The following HERC6 variants were observed in gnomAD, a reference collection of about 807,000 sequenced individuals.
HERC6 encodes HECT and RLD domain containing E3 ubiquitin protein ligase family member 6.
A neutral mutation model predicts 114.5 loss-of-function variants in HERC6; 101 were observed. The observed-to-expected ratio is 0.88, with a 90% CI of 0.75 to 1.04. The LOEUF (loss-of-function observed/expected upper bound fraction) is 1.04, where lower values mean the gene tolerates loss of function less well. Among genes scored for constraint, HERC6 ranks in the 50% least tolerant of loss-of-function variants. HERC6 has a pLI of 0.00. For missense variants in HERC6, 1,133 were observed against 1,230.9 expected, an observed-to-expected ratio of 0.92 and a Z score of 1.19; for synonymous variants, 408 against 436.2, an observed-to-expected ratio of 0.94 and a Z score of 0.81.
At chr4:88,427,687 G>A (rs1737769222) in intron 15 of HERC6, among the ~76,000 whole-genome samples, 2 of 152,214 alleles carry the variant, frequency 1.3e-5, no homozygotes, top group South Asian at 2.1e-4. Context: ...GAGAGTGAAT[G>A]TGGGCAAACA....
At chr4:88,412,425 G>A (rs1420032626) in intron 11 of HERC6, among the ~76,000 whole-genome samples, 2 of 152,116 alleles carry the variant, frequency 1.3e-5, no homozygotes. Context: ...GGGCAACATA[G>A]TGAGACTCCA....
intron 5 of HERC6, 50 bp from the exon 6 acceptor site, chr4:88,395,965 A>C: frequency 6.6e-7 from 1 of 1,523,940 alleles, no homozygotes; most frequent in Non-Finnish European, 8.8e-7. Flanking sequence ...GTAAGCTTTT[A>C]GTTACCTTGT....
chr4:88,390,847 G>C lies in HERC6; in HGVS notation c.632G>C (p.Gly211Ala), dbSNP rs189620177. ...TSFGWGSNSA[G>A]QLALSGRNVP... Reference sequence around the variant, plus strand: ...TTTGGCTGGGGAAGTAACAGTGCCGGGCAGCTGGCCCTCAGTGGGCGTAAT... The same window carrying C: ...TTTGGCTGGGGAAGTAACAGTGCCGCGCAGCTGGCCCTCAGTGGGCGTAAT... Residue 211 changes from glycine (G) to alanine (A), a missense_variant, in exon 4 of 23, where the codon GGG becomes GCG. Physicochemically the swap from Gly to Ala is moderately conservative, Grantham distance 60. This residue lies in a region of HERC6 where 735 missense variants were observed against 754.0 expected (regional missense o/e 0.97). Coordinates refer to ENST00000264346, the MANE Select transcript of HERC6 (RefSeq NM_017912.4). 1 of 1,613,902 alleles carries C rather than the reference G, an allele frequency of 6.2e-7. No homozygotes were observed. Among genetic ancestry groups the C allele is most frequent in the Non-Finnish European group, 8.5e-7 (1 of 1,179,818 alleles).
intron 9 of HERC6, 130 bp downstream of exon 9, chr4:88,405,127 C>A: frequency 8.8e-7 from 1 of 1,131,958 alleles, no homozygotes; most frequent in Non-Finnish European, 1.2e-6. Flanking sequence ...CTTCTACAGC[C>A]TCTTAGTGTG....
Position 88,404,941 on chromosome 4 carries a change from G to A in HERC6, c.1158G>A (p.Met386Ile), listed in dbSNP as rs959693874. The change falls in exon 9 of 23, where the codon ATG (methionine) becomes ATA (isoleucine). Residue 386 changes from methionine (M) to isoleucine (I), a missense_variant. This residue lies in a region of HERC6 where 735 missense variants were observed against 754.0 expected (regional missense o/e 0.97). Coordinates refer to ENST00000264346, the MANE Select transcript of HERC6 (RefSeq NM_017912.4). ...AAATAAGCCGAATTAGCCAGTCCAT[G>A]GCAGAAAAATGGATAGCAGTGAAAA... ...LPEISRISQS[M>I]AEKWIAVKRR... is the part of the protein sequence containing the mutation. 6.2e-7 allele frequency: 1 copy of A among 1,613,782 alleles called. No individual in the cohort carries two copies. Among genetic ancestry groups the A allele is most frequent in the Non-Finnish European group, 8.5e-7 (1 of 1,179,776 alleles).
chr4:88,398,426 A>G (rs1735363224), intron 8 of HERC6: 1 of 392,254 alleles, frequency 2.5e-6, no homozygotes, highest in African/African-American at 2.1e-5. Context: ...ACCATTTCAG[A>G]TTTATTTTTT....
intron 17 of HERC6, 144 bp downstream of exon 17, chr4:88,431,449 G>A: frequency 1.0e-6 from 1 of 953,510 alleles, no homozygotes; most frequent in Non-Finnish European, 1.5e-6. Flanking sequence ...ATGGTTCACA[G>A]AGCAGCAGCT....
At chr4:88,413,353 C>G (rs1736242369) in intron 12 of HERC6, 87 bp downstream of exon 12, 1 of 835,070 alleles carries the variant, frequency 1.2e-6, no homozygotes, top group Non-Finnish European at 1.9e-6. Flanking sequence ...TAGAAGATTT[C>G]AAAATAGACA....
intron 16 of HERC6, among the ~76,000 whole-genome samples, chr4:88,428,969 G>C (rs1737914861): frequency 6.6e-6 from 1 of 152,224 alleles, no homozygotes; most frequent in African/African-American, 2.4e-5. Context: ...CTACAAAAAT[G>C]CTGCATAATG....
chr4:88,380,666 G>T (rs1734270471), intron 1 of HERC6, among the ~76,000 whole-genome samples: 1 of 149,334 alleles, frequency 6.7e-6, no homozygotes, highest in Non-Finnish European at 1.5e-5. Context: ...GCAGTGAGCC[G>T]AAATCGCGAC....
At chr4:88,392,436 C>T (rs138759973) in intron 4 of HERC6, among the ~76,000 whole-genome samples, 102 of 152,082 alleles carry the variant, frequency 6.7e-4, no homozygotes, top group African/African-American at 2.2e-3. Flanking sequence ...GTGATCCACC[C>T]GCCTCAACCT....
chr4:88,392,280 G>A lies in HERC6; in HGVS notation c.665-1208G>A, dbSNP rs1363951831. ...TGGAATCTCAGCTCCCGAGTAGCTG[G>A]GCTCACAGGCACACACCACCACACC... On this transcript the variant is annotated intron_variant, in intron 4 of 22. Transcript: ENST00000264346. 3.3e-5 allele frequency among the ~76,000 whole-genome samples: 5 copies of A among 149,942 alleles called. No homozygotes were observed. In the East Asian group the frequency reaches 9.8e-4, roughly 29 times the overall value.
At chr4:88,409,151 C>T (rs990517855) in intron 11 of HERC6, among the ~76,000 whole-genome samples, 3 of 152,182 alleles carry the variant, frequency 2.0e-5, no homozygotes. Context: ...CTTATGACCT[C>T]CAGAATAATG....
rs530304145 is a variant in HERC6 at position 88,389,601 on chromosome 4, G to C, written c.437-1051G>C. Among the ~76,000 whole-genome samples the C allele has an allele frequency of 2.0e-5, 3 of 152,252 alleles. No homozygotes were observed. In the South Asian group the frequency reaches 6.2e-4, roughly 32 times the overall value. On this transcript the variant is annotated intron_variant, in intron 3 of 22. Coordinates refer to ENST00000264346, the MANE Select transcript of HERC6 (RefSeq NM_017912.4). ...AGATTTTTGGCCTGAGCAGCTGAAA[G>C]AACACAGCTGCCCTTAACTGGAGGG...
chr4:88,421,779 T>G (rs1737095868), intron 13 of HERC6, among the ~76,000 whole-genome samples: 1 of 152,182 alleles, frequency 6.6e-6, no homozygotes, highest in Admixed American at 6.5e-5. Context: ...CTTGTTATTA[T>G]CTGTCATTTG....
rs1375075184 is a variant in HERC6 at position 88,436,921 on chromosome 4, C to G, written c.2434C>G (p.Leu812Val). The G allele has an allele frequency of 1.2e-6, 2 of 1,605,050 alleles. No homozygotes were observed. The highest frequency in any genetic ancestry group is 1.1e-5 in the South Asian group (1 of 88,898). ...CTTCATTAGGAGTTTGCAAGAAGTT[C>G]TAGATGATGCTGCTGATGACATTGG... is the stretch of plus-strand genomic sequence containing the variant. ...PRLGKSLQEV[L>V]DDAADDIGDA... Residue 812 changes from leucine (L) to valine (V), a missense_variant, in exon 19 of 23, where the codon CTA (leucine) becomes GTA (valine). Leu to Val is a conservative substitution (Grantham distance 32). Around this residue, in one of 3 missense-constraint regions of HERC6, gnomAD observed 388 missense variants for 445.9 expected, o/e 0.87. Transcript: ENST00000264346.
chr4:88,425,163 GACCATTCACAT>G (rs1737473699), intron 15 of HERC6, among the ~76,000 whole-genome samples: 1 of 152,108 alleles, frequency 6.6e-6, no homozygotes, highest in Non-Finnish European at 1.5e-5. Context: ...AATGGTTAAA[GACCATTCACAT>G]AGGAAGGTAG....
intron 15 of HERC6, among the ~76,000 whole-genome samples, chr4:88,428,103 A>T (rs767237446): frequency 3.3e-5 from 5 of 152,232 alleles, no homozygotes; most frequent in Non-Finnish European, 7.3e-5. Flanking sequence ...TATTGGAAAG[A>T]GAAGAGTGGA....
chr4:88,379,081 C>T lies in HERC6; in HGVS notation c.160C>T (p.Gln54Ter). 1 of 1,549,474 alleles carries T rather than the reference C, an allele frequency of 6.5e-7. No individual in the cohort carries two copies. The highest frequency in any genetic ancestry group is 8.7e-7 in the Non-Finnish European group (1 of 1,148,302). ...CTCGTGCGGAGACAACAGCAGGGGT[C>T]AGCTGGGCCGCAGGGGCGCGCAGCG... Reference protein sequence around the residue: ...VLSCGDNSRGQLGRRGAQRGE... With the variant: ...VLSCGDNSRG The change falls in exon 1 of 23, where the codon CAG becomes TAG. Residue 54 changes from glutamine (Q) to a stop codon, truncating the protein, a stop_gained. Transcript: ENST00000264346. LOFTEE classifies it high-confidence loss of function.
Sources: allele counts gnomAD v4.1 joint callset (sites outside exome capture counted in the v4.1 genomes callset), GRCh38; gene constraint gnomAD v4.1.1; regional missense constraint gnomAD v4.1.1; transcripts MANE v1.5; gene names NCBI Gene and HGNC (gene_info 2026-07-23, HGNC 2026-07-21).